SOX6: variants seen among roughly 807,000 people sequenced by gnomAD.
SOX6 encodes the protein transcription factor SOX-6.
In SOX6, 11 loss-of-function variants were observed where a neutral mutation model predicts 97.8. The observed-to-expected ratio is 0.11, with a 90% CI of 0.07 to 0.19. The LOEUF is 0.19. Ranked by LOEUF, SOX6 falls within the 10% of genes least tolerant of loss-of-function variation. The pLI is 1.00. For missense variants in SOX6, 810 were observed against 1,039.5 expected (o/e 0.78, Z 3.04); for synonymous variants, 360 against 371.4 (o/e 0.97, Z 0.35).
At chr11:16,344,125 C>G (rs548688158) in intron 1 of SOX6, among the ~76,000 whole-genome samples, 3 of 152,024 alleles carry the variant, frequency 2.0e-5, no homozygotes, top group Non-Finnish European at 4.4e-5. Context: ...TTATAGTTCT[C>G]AAATGCATTG....
intron 4 of SOX6, among the ~76,000 whole-genome samples, chr11:16,604,226 G>A (rs891974317): frequency 6.6e-6 from 1 of 152,236 alleles, no homozygotes; most frequent in African/African-American, 2.4e-5. Context: ...CCAAGGTTGG[G>A]GGACAGGCAG....
chr11:16,008,176 T>C (rs1293980868), intron 13 of SOX6, among the ~76,000 whole-genome samples: 1 of 152,060 alleles, frequency 6.6e-6, no homozygotes, highest in Non-Finnish European at 1.5e-5. Flanking sequence ...CATTGCATTG[T>C]TTAGGAAATA....
intron 1 of SOX6, among the ~76,000 whole-genome samples, chr11:16,447,819 C>G (rs1859643281): frequency 6.6e-6 from 1 of 152,158 alleles, no homozygotes; most frequent in African/African-American, 2.4e-5. Flanking sequence ...AGCATGACTA[C>G]TGTACAAGAC....
At chr11:16,057,297 T>C (rs1420444951) in intron 9 of SOX6, among the ~76,000 whole-genome samples, 1 of 152,196 alleles carries the variant, frequency 6.6e-6, no homozygotes, top group Non-Finnish European at 1.5e-5. Context: ...TTTTATATTA[T>C]TTTATGAAGA....
At chr11:16,475,606 T>C (rs1272289798) in intron 1 of SOX6, among the ~76,000 whole-genome samples, 1 of 152,148 alleles carries the variant, frequency 6.6e-6, no homozygotes, top group African/African-American at 2.4e-5. Context: ...GGCCCCATAA[T>C]AATTACAATA....
intron 3 of SOX6, among the ~76,000 whole-genome samples, chr11:16,708,777 T>G (rs1359993589): frequency 6.6e-6 from 1 of 152,180 alleles, no homozygotes; most frequent in African/African-American, 2.4e-5. Flanking sequence ...CTTATTAGTT[T>G]AAAATGGCTC....
chr11:16,048,562 A>C (rs1000449499), intron 11 of SOX6, among the ~76,000 whole-genome samples: 3 of 152,170 alleles, frequency 2.0e-5, no homozygotes, highest in Non-Finnish European at 4.4e-5. Flanking sequence ...ACCTGTAAAA[A>C]CCACAATGTA....
rs539632171 is a variant in SOX6, at chr11:16,697,361, C to T, written n.429+17469G>A. On this transcript the variant is annotated intron_variant and non_coding_transcript_variant, in intron 3 of 5. Coordinates refer to the SOX6 transcript ENST00000524520. ...AAAAGATTTTTTATTGGGCCAGGTG[C>T]GGTGGCTCATGCCTGTAATCCCAGC... Among the ~76,000 whole-genome samples the T allele has an allele frequency of 1.4e-4, 22 of 152,234 alleles. No individual in the cohort carries two copies. In the South Asian group the frequency reaches 2.3e-3, roughly 16 times the overall value.
At chr11:16,425,394 C>G (rs1859104345) in intron 1 of SOX6, among the ~76,000 whole-genome samples, 1 of 152,114 alleles carries the variant, frequency 6.6e-6, no homozygotes, top group African/African-American at 2.4e-5. Context: ...CAGCTTCAAA[C>G]AAAATAAGGT....
intron 3 of SOX6, among the ~76,000 whole-genome samples, chr11:16,290,119 T>C (rs935738727): frequency 6.6e-6 from 1 of 152,040 alleles, no homozygotes; most frequent in African/African-American, 2.4e-5. Context: ...TCAACCCAGA[T>C]GTACTGTCTC....
chr11:16,619,725 A>C (rs1278931102), intron 3 of SOX6, among the ~76,000 whole-genome samples: 2 of 152,132 alleles, frequency 1.3e-5, no homozygotes, highest in African/African-American at 4.8e-5. Context: ...ATTAGGAAAA[A>C]TTTCTGAATA....
chr11:16,638,632 C>T (rs962154584), intron 3 of SOX6, among the ~76,000 whole-genome samples: 8 of 152,310 alleles, frequency 5.3e-5, no homozygotes, highest in Admixed American at 5.2e-4. Flanking sequence ...GAGATGGTAT[C>T]TCATTGTGGG....
intron 1 of SOX6, among the ~76,000 whole-genome samples, chr11:16,387,338 T>C (rs1858019561): frequency 6.6e-6 from 1 of 151,966 alleles, no homozygotes; most frequent in Non-Finnish European, 1.5e-5. Context: ...CTATTCAAAA[T>C]AAAAATGTAA....
At chr11:16,687,702 T>C (rs964277935) in intron 3 of SOX6, among the ~76,000 whole-genome samples, 1 of 152,234 alleles carries the variant, frequency 6.6e-6, no homozygotes, top group African/African-American at 2.4e-5. Flanking sequence ...GCTTTATTTA[T>C]TTATAATTTT....
At chr11:16,148,613 C>G (rs867438476) in intron 6 of SOX6, among the ~76,000 whole-genome samples, 1 of 152,094 alleles carries the variant, frequency 6.6e-6, no homozygotes, top group African/African-American at 2.4e-5. Flanking sequence ...TTTTTCCTGC[C>G]GTAGGCTGAA....
chr11:16,445,332 G>C (rs777895529), intron 1 of SOX6, among the ~76,000 whole-genome samples: 2 of 151,938 alleles, frequency 1.3e-5, no homozygotes, highest in African/African-American at 4.8e-5. Flanking sequence ...CTTCATCTCC[G>C]GTCTCATCTG....
At chr11:16,205,255 T>C (rs913380014) in intron 4 of SOX6, among the ~76,000 whole-genome samples, 1 of 152,144 alleles carries the variant, frequency 6.6e-6, no homozygotes, top group African/African-American at 2.4e-5. Flanking sequence ...GTTTAAATGA[T>C]ATTTTTTTCA....
At chr11:16,000,623 C>T (rs917558843) in intron 13 of SOX6, among the ~76,000 whole-genome samples, 1 of 152,080 alleles carries the variant, frequency 6.6e-6, no homozygotes, top group Admixed American at 6.5e-5. Flanking sequence ...GTTCCTTAGC[C>T]CTACTAAAAA....
intron 3 of SOX6, among the ~76,000 whole-genome samples, chr11:16,706,495 T>A (rs867315683): frequency 0.34 from 7,759 of 22,546 alleles, 3,006 homozygotes; most frequent in Non-Finnish European, 0.52. Flanking sequence ...TATATATATA[T>A]ATATATATAT....
Sources: allele counts gnomAD v4.1 joint callset (sites outside exome capture counted in the v4.1 genomes callset), GRCh38; gene constraint gnomAD v4.1.1; transcripts MANE v1.5; gene names NCBI Gene and HGNC (gene_info 2026-07-23, HGNC 2026-07-21).